FAIM2: variants seen among roughly 807,000 people sequenced by gnomAD.
The protein encoded by FAIM2 is Fas apoptotic inhibitory molecule 2, also known as protein lifeguard 2.
A neutral mutation model predicts 47.4 loss-of-function variants in FAIM2; 27 were observed. The observed-to-expected ratio is 0.57, with a 90% CI of 0.42 to 0.78. The LOEUF is 0.78. FAIM2 is among the 30% of genes least tolerant of loss of function. The pLI is 0.00. For synonymous variants in FAIM2, 156 were observed against 159.3 expected, an observed-to-expected ratio of 0.98 and a Z score of 0.16; for missense variants, 311 against 389.4, an observed-to-expected ratio of 0.80 and a Z score of 1.69.
intron 11 of FAIM2, among the ~76,000 whole-genome samples, chr12:49,879,594 GTGCA>G (rs1335768193): frequency 2.0e-5 from 3 of 151,858 alleles, no homozygotes; most frequent in Non-Finnish European, 4.4e-5. Flanking sequence ...GTGTATTTGT[GTGCA>G]TGCGAGTGTA....
In FAIM2 at chr12:49,897,572, G is replaced by A. The variant is rs147548351; in HGVS notation, c.327C>T (p.Ile109=). 1,539 of 1,614,036 alleles carry A rather than the reference G, an allele frequency of 9.5e-4. 1 individual carries two copies. The highest frequency in any genetic ancestry group is 1.2e-3 in the Non-Finnish European group (1,373 of 1,179,924). Residue 109 remains isoleucine (I), a synonymous_variant, in exon 4 of 12, where the codon ATC becomes ATT. Coordinates refer to ENST00000320634, the MANE Select transcript of FAIM2 (RefSeq NM_012306.4). Reference sequence around the variant, plus strand: ...AGGTCACCAGCAGCTGAATCAGCAGGATGGTGTAGACCTGGGGGTGGGAGG... The same window carrying A: ...AGGTCACCAGCAGCTGAATCAGCAGAATGGTGTAGACCTGGGGGTGGGAGG... ...RRVFVRKVYT[I]LLIQLLVTLA...
intron 7 of FAIM2, 24 bp from the exon 8 acceptor site, chr12:49,890,178 G>A (rs776756820): frequency 1.2e-6 from 2 of 1,613,748 alleles, no homozygotes; most frequent in East Asian, 2.2e-5. Context: ...CAGGGTAAAG[G>A]AATGTTCCAA....
In FAIM2 at chr12:49,875,568, G is replaced by A. The variant is rs561322032; in HGVS notation, c.802-4915C>T. ...GCACAGACAACATTTGCACCCCCAG[G>A]AGGGCCACCAAAGGAACAGGGTCTG... On this transcript the variant is annotated intron_variant, in intron 11 of 11. Coordinates refer to ENST00000320634, the MANE Select transcript of FAIM2 (RefSeq NM_012306.4). Among the ~76,000 whole-genome samples the A allele has an allele frequency of 2.2e-3, 338 of 152,298 alleles. 1 individual carries two copies. Among genetic ancestry groups the A allele is most frequent in the Non-Finnish European group, 3.7e-3 (249 of 68,026 alleles).
Position 49,890,730 on chromosome 12 carries a change from G to C in FAIM2, c.486-8C>G, listed in dbSNP as rs764375519. The C allele has an allele frequency of 6.2e-7, 1 of 1,613,736 alleles. No homozygotes were observed. The highest frequency in any genetic ancestry group is 8.5e-7 in the Non-Finnish European group (1 of 1,179,756). The stretch of plus-strand genomic sequence containing the variant: ...TTCCAGGGGAAATGCCTCCTGCAAG[G>C]CAAGCCACAGAGTTCAGGGGATCGT... On this transcript the variant is annotated splice_polypyrimidine_tract_variant and splice_region_variant and intron_variant, in intron 6 of 11. Coordinates refer to ENST00000320634, the MANE Select transcript of FAIM2 (RefSeq NM_012306.4).
rs1427189048 is a variant in FAIM2 at position 49,878,775 on chromosome 12, T to G, written c.802-8122A>C. Among the ~76,000 whole-genome samples, 5 of 115,918 alleles carry G rather than the reference T, an allele frequency of 4.3e-5. 2 individuals are homozygous for G. The highest frequency in any genetic ancestry group is 8.4e-5 in the Non-Finnish European group (5 of 59,542). The allele number at this position is 115,918 out of a possible 152,430, so 76.0% of individuals were successfully genotyped here. A position where few individuals can be genotyped will look rare whatever the true frequency, so the allele number is the denominator to read the frequency against. ...ATGTGTATATATTTATTTGTGTGCATGAGTGTATGTGTGCCTGTGTGTATA... is the reference window on the plus strand; with the variant it reads ...ATGTGTATATATTTATTTGTGTGCAGGAGTGTATGTGTGCCTGTGTGTATA... On this transcript the variant is annotated intron_variant, in intron 11 of 11. Transcript: ENST00000320634.
intron 11 of FAIM2, among the ~76,000 whole-genome samples, chr12:49,884,002 AT>A (rs1791788819): frequency 6.6e-6 from 1 of 152,108 alleles, no homozygotes; most frequent in Non-Finnish European, 1.5e-5. Flanking sequence ...CGGGCGGATC[AT>A]CTGAGGTCAG....
intron 11 of FAIM2, among the ~76,000 whole-genome samples, chr12:49,877,892 GTA>G (rs545299448): frequency 5.0e-4 from 75 of 150,978 alleles, no homozygotes; most frequent in African/African-American, 1.5e-3. Context: ...GTGTATGTGG[GTA>G]TGTGTGTGTA....
intron 2 of FAIM2, 34 bp downstream of exon 2, chr12:49,901,096 T>G (rs746516571): frequency 1.7e-5 from 25 of 1,513,100 alleles, no homozygotes; most frequent in Non-Finnish European, 2.2e-5. Flanking sequence ...CCCCACCCCA[T>G]GATGCTTCAG....
intron 11 of FAIM2, among the ~76,000 whole-genome samples, chr12:49,879,722 G>A (rs910596485): frequency 6.6e-6 from 1 of 150,422 alleles, no homozygotes; most frequent in Non-Finnish European, 1.5e-5. Flanking sequence ...GTGTATATGT[G>A]CAAGTGTGTG....
At chr12:49,884,329 G>T (rs1184645170) in intron 11 of FAIM2, among the ~76,000 whole-genome samples, 4 of 152,126 alleles carry the variant, frequency 2.6e-5, no homozygotes, top group African/African-American at 7.2e-5. Flanking sequence ...ACTGGACATA[G>T]TGAGTGGAGG....
At chr12:49,875,693 G>T (rs1946731655) in intron 11 of FAIM2, among the ~76,000 whole-genome samples, 1 of 152,148 alleles carries the variant, frequency 6.6e-6, no homozygotes, top group Non-Finnish European at 1.5e-5. Context: ...TTTAAAAAGT[G>T]GGCCAGGTGC....
intron 5 of FAIM2, among the ~76,000 whole-genome samples, chr12:49,895,762 C>T (rs1190167465): frequency 6.6e-6 from 1 of 152,186 alleles, no homozygotes; most frequent in Non-Finnish European, 1.5e-5. Context: ...ACTCTGGGCT[C>T]GACGTGGTCC....
At chr12:49,871,198 C>T (rs1020592863) in intron 11 of FAIM2, among the ~76,000 whole-genome samples, 23 of 152,204 alleles carry the variant, frequency 1.5e-4, no homozygotes, top group African/African-American at 5.5e-4. Context: ...CCGATTCTTC[C>T]TACAGGAAGC....
At chr12:49,879,699 C>CAT (rs1555158289) in intron 11 of FAIM2, among the ~76,000 whole-genome samples, 9 of 49,348 alleles carry the variant, frequency 1.8e-4, no homozygotes, top group Non-Finnish European at 2.9e-4. Flanking sequence ...TGTCTGTGTG[C>CAT]ATGTGTGTGT....
rs1946889625 is a variant in FAIM2 at position 49,890,141 on chromosome 12, G to A, written c.539C>T (p.Ala180Val). ...ILLTVFTLSMAYLTGMLSSYY... is the reference protein window; with the variant it reads ...ILLTVFTLSMVYLTGMLSSYY... ...CCTGGACAGCATCCCAGTGAGGTAG[G>A]CCATGGACAGGGTCTGAAAGGAGAA... The change falls in exon 8 of 12, where the codon GCC becomes GTC. Residue 180 changes from alanine (A) to valine (V), a missense_variant. Transcript: ENST00000320634. The A allele has an allele frequency of 1.2e-6, 2 of 1,613,928 alleles. No individual in the cohort carries two copies. The highest frequency in any genetic ancestry group is 1.7e-5 in the Admixed American group (1 of 60,002).
intron 5 of FAIM2, among the ~76,000 whole-genome samples, chr12:49,892,317 C>A (rs1410068294): frequency 1.3e-5 from 2 of 152,170 alleles, no homozygotes; most frequent in African/African-American, 4.8e-5. Context: ...TCCTCCCACA[C>A]AAGCCTCCTC....
At chr12:49,896,120 T>C (rs1946935455) in intron 5 of FAIM2, among the ~76,000 whole-genome samples, 1 of 152,174 alleles carries the variant, frequency 6.6e-6, no homozygotes, top group South Asian at 2.1e-4. Context: ...CCTCTCCGAA[T>C]GCTGCATCTG....
At position 49,879,444 on chromosome 12, in the gene FAIM2, ATG is replaced by A. The variant is rs548470664; in HGVS notation, c.801+7940_801+7941del. On this transcript the variant is annotated intron_variant, in intron 11 of 11. Transcript: ENST00000320634. ...TGTATGTGTGTATGTGCATGTGTATATGTGTGTGCATACGTGTATATGTGCAT... is the reference window on the plus strand; with the variant it reads ...TGTATGTGTGTATGTGCATGTGTATATGTGTGCATACGTGTATATGTGCAT... Among the ~76,000 whole-genome samples, 149 of 117,458 alleles carry A rather than the reference ATG, an allele frequency of 1.3e-3. 1 individual carries two copies. The highest frequency in any genetic ancestry group is 4.6e-3 in the African/African-American group (137 of 29,492). The allele number at this position is 117,458 out of a possible 152,430, so 77.1% of individuals were successfully genotyped here. A position where few individuals can be genotyped will look rare whatever the true frequency, so the allele number is the denominator to read the frequency against.
chr12:49,890,938 G>C, intron 6 of FAIM2, 126 bp downstream of exon 6: 1 of 980,956 alleles, frequency 1.0e-6, no homozygotes, highest in Non-Finnish European at 1.6e-6. Flanking sequence ...CTGCTCGATA[G>C]AGGCCCAGAG....
Sources: allele counts gnomAD v4.1 joint callset (sites outside exome capture counted in the v4.1 genomes callset), GRCh38; gene constraint gnomAD v4.1.1; transcripts MANE v1.5; gene names NCBI Gene and HGNC (gene_info 2026-07-23, HGNC 2026-07-21).